RTF2: variants seen among roughly 807,000 people sequenced by gnomAD.
RTF2 encodes the protein replication termination factor 2.
A neutral mutation model predicts 38.0 loss-of-function variants in RTF2; 18 were observed. The ratio of observed to expected loss-of-function variants is 0.47; its 90% confidence interval spans 0.33 to 0.70. The LOEUF (loss-of-function observed/expected upper bound fraction) is 0.70. RTF2 is among the 30% of genes least tolerant of loss of function. The probability of loss-of-function intolerance (pLI) is 0.02; values close to 1 mark genes in which losing one functional copy is unlikely to be tolerated. For missense variants in RTF2, 311 were observed against 379.6 expected, an observed-to-expected ratio of 0.82 and a Z score of 1.50; for synonymous variants, 126 against 137.1, an observed-to-expected ratio of 0.92 and a Z score of 0.57.
intron 4 of RTF2, among the ~76,000 whole-genome samples, chr20:56,477,723 G>C (rs1982328955): frequency 6.6e-6 from 1 of 152,062 alleles, no homozygotes; most frequent in Non-Finnish European, 1.5e-5. Context: ...TCCCTATGTT[G>C]CCCAGGCTGG....
At chr20:56,481,548 C>T (rs1982525249) in intron 4 of RTF2, among the ~76,000 whole-genome samples, 1 of 152,162 alleles carries the variant, frequency 6.6e-6, no homozygotes, top group Non-Finnish European at 1.5e-5. Context: ...TTCTGGGGAA[C>T]CAGACTCATT....
rs1982407149 is a variant in RTF2 at position 56,479,233 on chromosome 20, T to C, written c.398+2109T>C. ...ATTTTTTTTGTTTGTTTTTTGTTTT[T>C]TTGTTTTTTTGAGACGGAGTCCAGC... On this transcript the variant is annotated intron_variant, in intron 4 of 8. Coordinates refer to ENST00000357348, the MANE Select transcript of RTF2 (RefSeq NM_016407.5). 2.0e-5 allele frequency among the ~76,000 whole-genome samples: 3 copies of C among 152,182 alleles called. No individual in the cohort carries two copies. In the South Asian group the frequency reaches 6.2e-4, roughly 32 times the overall value.
intron 5 of RTF2, among the ~76,000 whole-genome samples, chr20:56,510,889 G>A (rs912242154): frequency 6.6e-6 from 1 of 152,160 alleles, no homozygotes; most frequent in South Asian, 2.1e-4. Flanking sequence ...GGAGGTGGAG[G>A]CTGCACTGAG....
intron 6 of RTF2, chr20:56,516,551 T>G (rs1160858409): frequency 5.0e-6 from 1 of 200,228 alleles, no homozygotes; most frequent in African/African-American, 2.3e-5. Context: ...TGGCTGGACT[T>G]CACATACCCA....
intron 1 of RTF2, among the ~76,000 whole-genome samples, chr20:56,469,817 C>A (rs1981866501): frequency 1.3e-5 from 2 of 152,192 alleles, no homozygotes; most frequent in Admixed American, 1.3e-4. Flanking sequence ...TCATACTGTT[C>A]TAGCTAAACA....
chr20:56,507,776 C>T (rs916808589), intron 5 of RTF2, among the ~76,000 whole-genome samples: 1 of 152,172 alleles, frequency 6.6e-6, no homozygotes, highest in Non-Finnish European at 1.5e-5. Context: ...GGGCCCTTTA[C>T]GTCATAGCCA....
chr20:56,503,652 A>G (rs921135124), intron 5 of RTF2, among the ~76,000 whole-genome samples: 2 of 152,186 alleles, frequency 1.3e-5, no homozygotes, highest in African/African-American at 4.8e-5. Flanking sequence ...GCAAAGAAAA[A>G]CATAATTTAC....
At chr20:56,511,637 G>T (rs1180815784) in intron 5 of RTF2, among the ~76,000 whole-genome samples, 1 of 152,056 alleles carries the variant, frequency 6.6e-6, no homozygotes. Flanking sequence ...AACTCTCTGT[G>T]GGGGGGCCAT....
intron 5 of RTF2, among the ~76,000 whole-genome samples, chr20:56,508,620 G>T (rs1482873951): frequency 6.6e-6 from 1 of 152,170 alleles, no homozygotes; most frequent in Non-Finnish European, 1.5e-5. Flanking sequence ...GTGACTCTTT[G>T]AAGTCATGTT....
chr20:56,509,643 G>T (rs1020119074), intron 5 of RTF2, among the ~76,000 whole-genome samples: 1 of 151,932 alleles, frequency 6.6e-6, no homozygotes, highest in South Asian at 2.1e-4. Context: ...ACGATGACAG[G>T]TGTTGGGAAG....
chr20:56,473,504 G>A (rs1216508585), intron 2 of RTF2, 109 bp downstream of exon 2: 2 of 732,716 alleles, frequency 2.7e-6, no homozygotes, highest in East Asian at 2.7e-5. Flanking sequence ...AAGCAAATTT[G>A]TGAGGCATAG....
At chr20:56,494,021 G>A (rs1378892789) in intron 5 of RTF2, among the ~76,000 whole-genome samples, 1 of 152,090 alleles carries the variant, frequency 6.6e-6, no homozygotes, top group Non-Finnish European at 1.5e-5. Context: ...CCTGAGCCTT[G>A]GGTTCCACAT....
At chr20:56,514,311 G>A (rs1984879939) in intron 6 of RTF2, 1 of 151,710 alleles carries the variant, frequency 6.6e-6, no homozygotes, top group Admixed American at 6.6e-5. Context: ...GATAGCTATG[G>A]AATACAGGCC....
intron 1 of RTF2, chr20:56,470,891 C>G (rs1981925478): frequency 3.6e-6 from 1 of 277,302 alleles, no homozygotes; most frequent in South Asian, 3.4e-5. Context: ...ACTTCTTTAT[C>G]TGGCTATTTA....
Position 56,496,497 on chromosome 20 carries a change from G to A in RTF2, c.477+12308G>A, listed in dbSNP as rs6024910. On this transcript the variant is annotated intron_variant, in intron 5 of 8. Transcript: ENST00000357348. Reference sequence around the variant, plus strand: ...CGGGAGGTGGAGCTTGCAGTGAGCCGAGATCGCGCCACTGCACTCCAGCCT... The same window carrying A: ...CGGGAGGTGGAGCTTGCAGTGAGCCAAGATCGCGCCACTGCACTCCAGCCT... 2.4e-4 allele frequency: 213 copies of A among 874,832 alleles called. 2 individuals are homozygous for A. In the African/African-American group the frequency reaches 3.1e-3, roughly 13 times the overall value. The allele number at this position is 874,832 out of a possible 1,614,324, so 54.2% of individuals were successfully genotyped here.
chr20:56,481,163 G>A (rs1484591712), intron 4 of RTF2, among the ~76,000 whole-genome samples: 1 of 152,204 alleles, frequency 6.6e-6, no homozygotes, highest in Admixed American at 6.5e-5. Flanking sequence ...ATACTGAAAG[G>A]TAGCATTTTT....
chr20:56,491,585 C>T, intron 5 of RTF2: 1 of 1,551,024 alleles, frequency 6.4e-7, no homozygotes, highest in Non-Finnish European at 8.7e-7. Flanking sequence ...ATTGAAATGA[C>T]TCTGCTGTTG....
At chr20:56,483,002 G>A (rs1230848637) in intron 4 of RTF2, among the ~76,000 whole-genome samples, 1 of 151,988 alleles carries the variant, frequency 6.6e-6, no homozygotes, top group African/African-American at 2.4e-5. Flanking sequence ...TTTTCTTTCT[G>A]TTCTGTCCAC....
intron 4 of RTF2, among the ~76,000 whole-genome samples, chr20:56,482,397 A>G (rs905845164): frequency 6.6e-6 from 1 of 152,264 alleles, no homozygotes; most frequent in African/African-American, 2.4e-5. Context: ...AATAATGACA[A>G]AAAAGTCTGT....
Sources: allele counts gnomAD v4.1 joint callset (sites outside exome capture counted in the v4.1 genomes callset), GRCh38; gene constraint gnomAD v4.1.1; transcripts MANE v1.5; gene names NCBI Gene and HGNC (gene_info 2026-07-23, HGNC 2026-07-21).